GFPT2: variants seen among roughly 807,000 people sequenced by gnomAD.
The protein encoded by GFPT2 is glutamine--fructose-6-phosphate transaminase 2.
GFPT2 carries 62 observed loss-of-function variants against 85.6 expected under a neutral mutation model. The ratio of observed to expected loss-of-function variants is 0.72; its 90% CI spans 0.59 to 0.90. The LOEUF (loss-of-function observed/expected upper bound fraction) is 0.90. Ranked by LOEUF, GFPT2 falls within the 40% of genes least tolerant of loss-of-function variation. The pLI, the probability that GFPT2 is intolerant of heterozygous loss-of-function variation, is 0.00. For missense variants in GFPT2, 788 were observed against 893.4 expected (o/e 0.88, Z 1.50); for synonymous variants, 368 against 344.5 (o/e 1.07, Z -0.75).
chr5:180,335,785 A>G, intron 4 of GFPT2, 43 bp downstream of exon 4: 1 of 1,584,970 alleles, frequency 6.3e-7, no homozygotes, highest in Non-Finnish European at 8.6e-7. Flanking sequence ...GACACAGCTC[A>G]GGGTGAGGTG....
At chr5:180,343,673 A>G (rs1764560173) in intron 1 of GFPT2, among the ~76,000 whole-genome samples, 1 of 152,266 alleles carries the variant, frequency 6.6e-6, no homozygotes, top group African/African-American at 2.4e-5. Flanking sequence ...CTGTGCTCTT[A>G]TCATTTAAAA....
At chr5:180,335,040 A>T (rs1561881639) in intron 4 of GFPT2, among the ~76,000 whole-genome samples, 1 of 152,134 alleles carries the variant, frequency 6.6e-6, no homozygotes, top group Non-Finnish European at 1.5e-5. Flanking sequence ...AGCTGGCCTG[A>T]GGGGGTGACT....
At chr5:180,352,051 G>T (rs1764719996) in intron 1 of GFPT2, among the ~76,000 whole-genome samples, 2 of 152,198 alleles carry the variant, frequency 1.3e-5, no homozygotes, top group African/African-American at 4.8e-5. Flanking sequence ...ATGGCGTCTG[G>T]GAGCACGAGA....
chr5:180,348,732 CTTTTTTTTTT>C (rs11322913), intron 1 of GFPT2, among the ~76,000 whole-genome samples: 4 of 139,806 alleles, frequency 2.9e-5, no homozygotes, highest in Non-Finnish European at 6.3e-5. Flanking sequence ...CATTTCTTTT[CTTTTTTTTTT>C]TTTTTGTTTT....
chr5:180,310,083 G>A (rs964638892), intron 15 of GFPT2, among the ~76,000 whole-genome samples: 1 of 150,088 alleles, frequency 6.7e-6, no homozygotes, highest in Admixed American at 6.6e-5. Flanking sequence ...GTGCTAGGAT[G>A]ACAGGCATGA....
chr5:180,320,282 G>A lies in GFPT2; in HGVS notation c.795-1326C>T, dbSNP rs141367104. Among the ~76,000 whole-genome samples, 1,390 of 152,142 alleles carry A rather than the reference G, an allele frequency of 9.1e-3. 21 individuals are homozygous for A. The highest frequency in any genetic ancestry group is 0.032 in the African/African-American group (1,321 of 41,528). On this transcript the variant is annotated intron_variant, in intron 9 of 18. Transcript: ENST00000253778. The stretch of plus-strand genomic sequence containing the variant: ...GCTGGGATTACAGGTGTGAGCCACC[G>A]TGCCCAGCCCATTGTGTTTATTTTT...
chr5:180,315,414 G>A (rs112619584), intron 13 of GFPT2, among the ~76,000 whole-genome samples: 2,782 of 152,248 alleles, frequency 0.018, 68 homozygotes, highest in East Asian at 0.098. Flanking sequence ...TCCTGACCTC[G>A]TGATCCGCCC....
At chr5:180,331,353 T>G (rs1400116457) in intron 5 of GFPT2, 142 bp downstream of exon 5, 1 of 632,246 alleles carries the variant, frequency 1.6e-6, no homozygotes, top group African/African-American at 1.8e-5. Flanking sequence ...AGGCAGAGGT[T>G]TCTTCTCAAC....
intron 5 of GFPT2, 81 bp downstream of exon 5, chr5:180,331,414 G>C: frequency 1.2e-6 from 1 of 842,468 alleles, no homozygotes; most frequent in Non-Finnish European, 2.0e-6. Context: ...ACTGGTTTCC[G>C]CAAGGAAATG....
chr5:180,342,640 G>A (rs1027721813), intron 1 of GFPT2, among the ~76,000 whole-genome samples: 4 of 152,072 alleles, frequency 2.6e-5, no homozygotes, highest in African/African-American at 7.2e-5. Flanking sequence ...AGTGGCTCAC[G>A]CCTGTAATCC....
intron 4 of GFPT2, 111 bp downstream of exon 4, chr5:180,335,717 T>C (rs1484589634): frequency 1.6e-5 from 18 of 1,110,640 alleles, no homozygotes; most frequent in Non-Finnish European, 2.2e-5. Context: ...GAAGATGAAG[T>C]AGGCTGAGAA....
At chr5:180,331,392 C>T (rs1278421256) in intron 5 of GFPT2, 103 bp downstream of exon 5, 14 of 732,400 alleles carry the variant, frequency 1.9e-5, no homozygotes, top group South Asian at 3.3e-5. Flanking sequence ...GTGGGTCTCA[C>T]TCAGTTCCCA....
At chr5:180,304,433 G>A (rs144964693) in intron 17 of GFPT2, among the ~76,000 whole-genome samples, 1 of 152,292 alleles carries the variant, frequency 6.6e-6, no homozygotes, top group East Asian at 1.9e-4. Context: ...CCTAACTCCA[G>A]GTAGTTCCCA....
intron 1 of GFPT2, among the ~76,000 whole-genome samples, chr5:180,338,850 G>A (rs768170348): frequency 2.0e-5 from 3 of 152,196 alleles, no homozygotes; most frequent in Non-Finnish European, 2.9e-5. Flanking sequence ...ATCCTATGCT[G>A]TACTTGCAGG....
chr5:180,303,833 G>A (rs1381851664), intron 17 of GFPT2, among the ~76,000 whole-genome samples: 2 of 152,134 alleles, frequency 1.3e-5, no homozygotes, highest in Admixed American at 1.3e-4. Context: ...AGGTCCCTTG[G>A]ACTATACCTA....
intron 4 of GFPT2, among the ~76,000 whole-genome samples, chr5:180,334,628 G>C (rs1400670684): frequency 6.6e-6 from 1 of 152,220 alleles, no homozygotes; most frequent in Non-Finnish European, 1.5e-5. Context: ...TATGCCAGAG[G>C]ATGTCTTGGG....
At chr5:180,307,591 G>C (rs1763806240) in intron 15 of GFPT2, among the ~76,000 whole-genome samples, 1 of 152,222 alleles carries the variant, frequency 6.6e-6, no homozygotes, top group East Asian at 1.9e-4. Context: ...GAGGCTCAGA[G>C]AGGCAAAAAT....
Position 180,316,948 on chromosome 5 carries a change from G to A in GFPT2, c.1054+15C>T, listed in dbSNP as rs76838125. On this transcript the variant is annotated intron_variant, in intron 11 of 18. Transcript: ENST00000253778. ...TAGGCTCGGGCGGAGGCTCCCCACCGAGTGTAGGAATTACCTGTGTTGGTT... is the reference window on the plus strand; with the variant it reads ...TAGGCTCGGGCGGAGGCTCCCCACCAAGTGTAGGAATTACCTGTGTTGGTT... The A allele has an allele frequency of 4.1e-3, 6,363 of 1,570,012 alleles. 192 individuals are homozygous for A. In the African/African-American group the frequency reaches 0.074, roughly 18 times the overall value.
At chr5:180,314,066 C>A in intron 13 of GFPT2, 102 bp from the exon 14 acceptor site, 1 of 1,164,888 alleles carries the variant, frequency 8.6e-7, no homozygotes, top group Non-Finnish European at 1.2e-6. Context: ...AATCGGCGCC[C>A]GAGACACAGC....
Sources: allele counts gnomAD v4.1 joint callset (sites outside exome capture counted in the v4.1 genomes callset), GRCh38; gene constraint gnomAD v4.1.1; transcripts MANE v1.5; gene names NCBI Gene and HGNC (gene_info 2026-07-23, HGNC 2026-07-21).